Variants in ATP8B4 observed in about 807,000 individuals in gnomAD.
The protein encoded by ATP8B4 is ATPase phospholipid transporting 8B4 (putative).
Under a neutral mutation model 145.6 loss-of-function variants are expected in ATP8B4, and 133 were observed. The ratio of observed to expected loss-of-function variants is 0.91; its 90% CI spans 0.79 to 1.05. ATP8B4 has a LOEUF of 1.05. Ranked by LOEUF, ATP8B4 falls within the 50% of genes least tolerant of loss-of-function variation. The probability of loss-of-function intolerance (pLI) is 0.00; values close to 1 mark genes in which losing one functional copy is unlikely to be tolerated. For missense variants in ATP8B4, 1,458 were observed against 1,425.2 expected, an observed-to-expected ratio of 1.02 and a Z score of -0.37; for synonymous variants, 507 against 492.9, an observed-to-expected ratio of 1.03 and a Z score of -0.38.
chr15:49,896,628 A>T, intron 23 of ATP8B4: 1 of 152,304 alleles, frequency 6.6e-6, no homozygotes, highest in South Asian at 2.1e-4. Context: ...TTGGTAACAA[A>T]TTTTTTAAAT....
chr15:49,911,764 C>G (rs554560673), intron 20 of ATP8B4, among the ~76,000 whole-genome samples: 5 of 152,238 alleles, frequency 3.3e-5, no homozygotes, highest in Admixed American at 6.5e-5. Context: ...GAAACATTCT[C>G]CAGTATAGAT....
chr15:50,084,275 C>T (rs1422082410), intron 2 of ATP8B4, among the ~76,000 whole-genome samples: 3 of 151,996 alleles, frequency 2.0e-5, no homozygotes, highest in Non-Finnish European at 4.4e-5. Flanking sequence ...TGTGAAAAGA[C>T]CAACAAAAAA....
chr15:50,095,550 C>G (rs1034310812), intron 2 of ATP8B4, among the ~76,000 whole-genome samples: 1 of 152,000 alleles, frequency 6.6e-6, no homozygotes, highest in African/African-American at 2.4e-5. Context: ...TCAGGCCAGG[C>G]CTTCAAGACA....
intron 6 of ATP8B4, among the ~76,000 whole-genome samples, chr15:50,029,017 G>T (rs1049091851): frequency 1.3e-5 from 2 of 151,802 alleles, no homozygotes; most frequent in African/African-American, 2.4e-5. Flanking sequence ...GGCGGATCAT[G>T]AGGTCAGGAG....
intron 20 of ATP8B4, among the ~76,000 whole-genome samples, chr15:49,903,992 T>C (rs188364208): frequency 6.6e-6 from 1 of 152,280 alleles, no homozygotes; most frequent in East Asian, 1.9e-4. Context: ...GCTGGAGCTT[T>C]GAGCTTGGAA....
chr15:49,863,411 C>T (rs565224489), intron 26 of ATP8B4, among the ~76,000 whole-genome samples: 5 of 152,278 alleles, frequency 3.3e-5, no homozygotes, highest in Non-Finnish European at 5.9e-5. Flanking sequence ...CAAGGCAATA[C>T]GGGTCAGTAA....
chr15:50,135,250 G>C (rs1028261036), intron 1 of ATP8B4, among the ~76,000 whole-genome samples: 1 of 152,022 alleles, frequency 6.6e-6, no homozygotes, highest in Non-Finnish European at 1.5e-5. Context: ...TAAATATTTA[G>C]TGTGACAAAT....
chr15:49,880,782 A>G (rs2035255315), intron 23 of ATP8B4: 1 of 151,910 alleles, frequency 6.6e-6, no homozygotes, highest in African/African-American at 2.4e-5. Flanking sequence ...ACTATATCCA[A>G]TGACATGCTG....
chr15:49,957,160 G>A (rs868277385), intron 14 of ATP8B4, among the ~76,000 whole-genome samples: 2 of 152,012 alleles, frequency 1.3e-5, no homozygotes, highest in Non-Finnish European at 2.9e-5. Context: ...ATACATTTCA[G>A]ATTAAGAGTA....
At chr15:50,095,233 T>C (rs2055892350) in intron 2 of ATP8B4, among the ~76,000 whole-genome samples, 1 of 152,082 alleles carries the variant, frequency 6.6e-6, no homozygotes, top group Non-Finnish European at 1.5e-5. Context: ...CCATGTCATA[T>C]ATTAGAGGAA....
chr15:49,877,798 G>A (rs761331404), intron 24 of ATP8B4, among the ~76,000 whole-genome samples: 8 of 152,154 alleles, frequency 5.3e-5, no homozygotes, highest in Non-Finnish European at 7.3e-5. Context: ...TTGCCACATC[G>A]TAAGTAATAA....
rs756195853 is a variant in ATP8B4, at chr15:49,901,117, G to T, written c.2264C>A (p.Ala755Asp). The part of the protein sequence containing the change: ...IVEETITGDY[A>D]LIINGHSLAH... ...CAAACTGTGGCCATTTATGATTAAG[G>T]CATAATCTCCTGTTATGGTTTCTTC... is the stretch of plus-strand genomic sequence containing the variant. The change falls in exon 21 of 28, where the codon GCC becomes GAC. Residue 755 changes from alanine (A) to aspartate (D), a missense_variant. Ala to Asp is a moderately radical substitution (Grantham distance 126, BLOSUM62 -2). Coordinates refer to ENST00000284509, the MANE Select transcript of ATP8B4 (RefSeq NM_024837.4). The T allele has an allele frequency of 2.5e-6, 4 of 1,613,296 alleles. No individual in the cohort carries two copies. Among genetic ancestry groups the T allele is most frequent in the South Asian group, 2.2e-5 (2 of 91,004 alleles).
chr15:50,067,474 G>A (rs2053460812), intron 3 of ATP8B4, among the ~76,000 whole-genome samples: 1 of 152,070 alleles, frequency 6.6e-6, no homozygotes, highest in African/African-American at 2.4e-5. Flanking sequence ...AATAAACAAG[G>A]CAGGAATCAT....
At chr15:50,085,971 G>GATATATATCATATATATAT (rs1175623340) in intron 2 of ATP8B4, among the ~76,000 whole-genome samples, 1 of 73,226 alleles carries the variant, frequency 1.4e-5, no homozygotes, top group East Asian at 4.2e-4. Context: ...ATTTATATAT[G>GATATATATCATATATATAT]ATATATCAAA....
chr15:49,942,893 G>A (rs1324146844), intron 14 of ATP8B4, among the ~76,000 whole-genome samples: 1 of 152,022 alleles, frequency 6.6e-6, no homozygotes, highest in Admixed American at 6.6e-5. Flanking sequence ...TAAAGAAACA[G>A]AGGTATATGA....
intron 15 of ATP8B4, among the ~76,000 whole-genome samples, chr15:49,931,993 TAG>T (rs200744891): frequency 6.6e-6 from 1 of 151,346 alleles, no homozygotes; most frequent in African/African-American, 2.4e-5. Context: ...TATATACATA[TAG>T]AGAGAGAGAG....
intron 20 of ATP8B4, among the ~76,000 whole-genome samples, chr15:49,905,411 C>A (rs1245872401): frequency 2.6e-5 from 4 of 152,092 alleles, no homozygotes; most frequent in Non-Finnish European, 4.4e-5. Context: ...TATTTCATCC[C>A]AAAGCTGTAG....
intron 1 of ATP8B4, among the ~76,000 whole-genome samples, chr15:50,144,188 T>C (rs1025991487): frequency 6.6e-6 from 1 of 152,150 alleles, no homozygotes; most frequent in Non-Finnish European, 1.5e-5. Flanking sequence ...GGATGCCAAG[T>C]TGAAACCTTA....
intron 2 of ATP8B4, among the ~76,000 whole-genome samples, chr15:50,076,202 A>C (rs1000028187): frequency 2.0e-5 from 3 of 152,192 alleles, no homozygotes; most frequent in African/African-American, 7.2e-5. Context: ...GCCACACAGA[A>C]ACCATCCTGG....
Sources: gnomAD v4.1 joint callset for allele counts (sites outside exome capture counted in the v4.1 genomes callset) on GRCh38, gnomAD v4.1.1 for gene constraint, MANE v1.5 for transcripts, NCBI Gene and HGNC (gene_info 2026-07-23, HGNC 2026-07-21) for gene names.